The following SPTLC3 variants were observed in gnomAD, a reference collection of about 807,000 sequenced individuals.
The protein encoded by SPTLC3 is serine palmitoyltransferase 3.
SPTLC3 carries 36 observed loss-of-function variants against 59.3 expected under a neutral mutation model. The ratio of observed to expected loss-of-function variants is 0.61; its 90% CI spans 0.47 to 0.80. The LOEUF is 0.80. Among genes scored for constraint, SPTLC3 ranks in the 30% least tolerant of loss-of-function variants. SPTLC3 has a pLI of 0.00. For synonymous variants in SPTLC3, 257 were observed against 240.8 expected (o/e 1.07, Z -0.62); for missense variants, 625 against 685.1 (o/e 0.91, Z 0.98).
At chr20:13,101,407 T>A (rs1989596276) in intron 6 of SPTLC3, among the ~76,000 whole-genome samples, 1 of 152,232 alleles carries the variant, frequency 6.6e-6, no homozygotes, top group Non-Finnish European at 1.5e-5. Context: ...CAGTCCAGTG[T>A]GATGGCTAAT....
Position 13,015,347 on chromosome 20 carries a change from G to A in SPTLC3, c.117+5963G>A, listed in dbSNP as rs182983193. Among the ~76,000 whole-genome samples, 127 of 152,182 alleles carry A rather than the reference G, an allele frequency of 8.3e-4. 1 individual carries two copies. The highest frequency in any genetic ancestry group is 3.0e-3 in the African/African-American group (124 of 41,524). The stretch of plus-strand genomic sequence containing the variant: ...TAATATGGCAAGAAGCATCATAAAG[G>A]GTAATGCATAAAAAGCAATTGGAAA... On this transcript the variant is annotated intron_variant, in intron 1 of 11. Transcript: ENST00000399002.
At chr20:13,153,975 G>A (rs771048250) in intron 9 of SPTLC3, 28 bp from the exon 10 acceptor site, 2 of 1,610,548 alleles carry the variant, frequency 1.2e-6, no homozygotes, top group South Asian at 2.2e-5. Flanking sequence ...AGTGGGAATT[G>A]ATGGATTTCA....
intron 6 of SPTLC3, 77 bp downstream of exon 6, chr20:13,093,654 T>G: frequency 7.4e-7 from 1 of 1,360,354 alleles, no homozygotes; most frequent in Non-Finnish European, 1.0e-6. Context: ...GAGGCTTTGT[T>G]CTGCTCTTCA....
At chr20:13,089,557 G>A (rs1181258109) in intron 4 of SPTLC3, among the ~76,000 whole-genome samples, 3 of 152,058 alleles carry the variant, frequency 2.0e-5, no homozygotes, top group Non-Finnish European at 2.9e-5. Context: ...AGGCCACAGC[G>A]GGTGGATTGA....
At chr20:13,102,116 C>G (rs147054149) in intron 6 of SPTLC3, among the ~76,000 whole-genome samples, 171 of 152,218 alleles carry the variant, frequency 1.1e-3, no homozygotes, top group African/African-American at 3.9e-3. Context: ...TGAGCACTAC[C>G]TAGTCTGCAG....
At chr20:13,146,134 A>G (rs1360167320) in intron 9 of SPTLC3, among the ~76,000 whole-genome samples, 3 of 152,216 alleles carry the variant, frequency 2.0e-5, no homozygotes, top group Non-Finnish European at 4.4e-5. Flanking sequence ...AGGAACATGG[A>G]TGGAGCTGGA....
At chr20:13,153,723 C>T (rs892149861) in intron 9 of SPTLC3, among the ~76,000 whole-genome samples, 2 of 152,056 alleles carry the variant, frequency 1.3e-5, no homozygotes, top group Non-Finnish European at 2.9e-5. Flanking sequence ...AAATAGATAC[C>T]TCCCCTGCCT....
At chr20:13,098,068 T>C (rs1247345347) in intron 6 of SPTLC3, among the ~76,000 whole-genome samples, 2 of 152,156 alleles carry the variant, frequency 1.3e-5, no homozygotes, top group Non-Finnish European at 1.5e-5. Context: ...TTTTACATAT[T>C]TAAAGCGTCG....
At chr20:13,009,764 A>C (rs371723645) in intron 1 of SPTLC3, among the ~76,000 whole-genome samples, 2 of 152,194 alleles carry the variant, frequency 1.3e-5, no homozygotes, top group African/African-American at 4.8e-5. Context: ...AAAAAGAGGA[A>C]GTGAAAGTAC....
rs1600371514 is a variant in SPTLC3, at chr20:13,141,566, A to T, written c.1280-12437A>T. ...AGGTCCCTCAATGAAAACAAGAGGC[A>T]TCTACAAAAAATTCCGCCCAAAATG... On this transcript the variant is annotated intron_variant, in intron 9 of 11. Coordinates refer to ENST00000399002, the MANE Select transcript of SPTLC3 (RefSeq NM_018327.4). Among the ~76,000 whole-genome samples, 5 of 152,320 alleles carry T rather than the reference A, an allele frequency of 3.3e-5. No individual in the cohort carries two copies. In the South Asian group the frequency reaches 1.0e-3, roughly 32 times the overall value.
chr20:13,009,520 T>TTCTTGTG, intron 1 of SPTLC3, 136 bp downstream of exon 1: 1 of 789,910 alleles, frequency 1.3e-6, no homozygotes, highest in Admixed American at 2.8e-5. Flanking sequence ...TTGACTCTGT[T>TTCTTGTG]AATAGAAAGT....
intron 1 of SPTLC3, among the ~76,000 whole-genome samples, chr20:13,048,376 T>G (rs926249656): frequency 6.6e-6 from 1 of 152,222 alleles, no homozygotes; most frequent in Non-Finnish European, 1.5e-5. Flanking sequence ...CAGACTTTTT[T>G]AAAAGACCAG....
chr20:13,052,618 G>A (rs977945363), intron 2 of SPTLC3, among the ~76,000 whole-genome samples: 1 of 152,116 alleles, frequency 6.6e-6, no homozygotes, highest in Non-Finnish European at 1.5e-5. Context: ...CCCCCACGGA[G>A]CCCAGCAAGC....
intron 9 of SPTLC3, among the ~76,000 whole-genome samples, chr20:13,152,925 C>T (rs2038681625): frequency 6.6e-6 from 1 of 152,134 alleles, no homozygotes; most frequent in Admixed American, 6.6e-5. Flanking sequence ...TTACAAACAC[C>T]CATGAGTGAT....
chr20:13,126,527 T>G, intron 8 of SPTLC3, 64 bp from the exon 9 acceptor site: 1 of 1,587,378 alleles, frequency 6.3e-7, no homozygotes. Context: ...GGACTAGATG[T>G]AATTCCCACC....
At chr20:13,119,254 C>T (rs952763049) in intron 8 of SPTLC3, among the ~76,000 whole-genome samples, 1 of 152,180 alleles carries the variant, frequency 6.6e-6, no homozygotes, top group Non-Finnish European at 1.5e-5. Flanking sequence ...CCTGAATAAA[C>T]CGAAGCAAGC....
chr20:13,018,002 A>G (rs1985625346), intron 1 of SPTLC3, among the ~76,000 whole-genome samples: 1 of 152,134 alleles, frequency 6.6e-6, no homozygotes, highest in Non-Finnish European at 1.5e-5. Context: ...GAAACCAAGT[A>G]TCCTTGCTCT....
chr20:13,049,008 C>T lies in SPTLC3; in HGVS notation c.181C>T (p.His61Tyr). ...IVESFEEAPL[H>Y]VMVFTYMGYG... ...TGAATCGTTTGAGGAAGCACCCCTT[C>T]ATGTTATGGTTTTCACTTACATGGG... The change falls in exon 2 of 12, where the codon CAT becomes TAT. Residue 61 changes from histidine to tyrosine, a missense_variant. By Grantham distance (83) the His-to-Tyr change is moderately conservative. Coordinates refer to ENST00000399002, the MANE Select transcript of SPTLC3 (RefSeq NM_018327.4). 1 of 1,608,550 alleles carries T rather than the reference C, an allele frequency of 6.2e-7. No individual in the cohort carries two copies. Among genetic ancestry groups the T allele is most frequent in the East Asian group, 2.2e-5 (1 of 44,826 alleles).
At chr20:13,103,660 G>A (rs1293341460) in intron 6 of SPTLC3, among the ~76,000 whole-genome samples, 3 of 152,184 alleles carry the variant, frequency 2.0e-5, no homozygotes, top group African/African-American at 7.2e-5. Context: ...ATGGAAAGTG[G>A]AGGCTGAGTT....
Sources: gnomAD v4.1 joint callset for allele counts (sites outside exome capture counted in the v4.1 genomes callset) on GRCh38, gnomAD v4.1.1 for gene constraint, MANE v1.5 for transcripts, NCBI Gene and HGNC (gene_info 2026-07-23, HGNC 2026-07-21) for gene names.